The following OR51A4 variants were observed in gnomAD, a reference collection of about 807,000 sequenced individuals.
OR51A4 encodes the protein olfactory receptor family 51 subfamily A member 4, also known as olfactory receptor 51A4.
For missense variants in OR51A4, 243 were observed against 364.0 expected (o/e 0.67, Z 2.70); for synonymous variants, 96 against 141.5 (o/e 0.68, Z 2.28).
At position 4,943,877 on chromosome 11, in the gene OR51A4, C is replaced by T. The variant is rs770555622; in HGVS notation, c.*2282G>A. 4 of 448,508 alleles carry T rather than the reference C, an allele frequency of 8.9e-6. No homozygotes were observed. Among genetic ancestry groups the T allele is most frequent in the South Asian group, 6.4e-5 (4 of 62,434 alleles). 27.8% of individuals were successfully genotyped at this position (448,508 alleles called of 1,614,324 possible). Reference sequence around the variant, plus strand: ...AAGACTGTCAAAAACCCCTAAAATACAGATGATCTTTGATACTCTTTTATG... The same window carrying T: ...AAGACTGTCAAAAACCCCTAAAATATAGATGATCTTTGATACTCTTTTATG... On this transcript the variant is annotated 3_prime_UTR_variant, in exon 2 of 2. Coordinates refer to ENST00000641898, the MANE Select transcript of OR51A4 (RefSeq NM_001005329.2).
In OR51A4 at chr11:4,946,158, G is replaced by A; in HGVS notation, c.*1C>T. On this transcript the variant is annotated 3_prime_UTR_variant, in exon 2 of 2. Coordinates refer to ENST00000641898, the MANE Select transcript of OR51A4 (RefSeq NM_001005329.2). ...TCCAGGTTTTCTGTCACATATGACT[G>A]TTAAATCTTCCGTTGACACAATTTT... The A allele has an allele frequency of 8.1e-6, 13 of 1,613,086 alleles. No homozygotes were observed. The highest frequency in any genetic ancestry group is 1.1e-5 in the South Asian group (1 of 91,048).
rs1191313403 is a variant in OR51A4, at chr11:4,945,215, A to G, written c.*944T>C. 6.6e-6 allele frequency: 1 copy of G among 152,178 alleles called. No homozygotes were observed. The highest frequency in any genetic ancestry group is 1.5e-5 in the Non-Finnish European group (1 of 68,022). The allele number at this position is 152,178 out of a possible 1,614,324, so 9.4% of individuals were successfully genotyped here. A position where few individuals can be genotyped will look rare whatever the true frequency, so the allele number is the denominator to read the frequency against. On this transcript the variant is annotated 3_prime_UTR_variant, in exon 2 of 2. Transcript: ENST00000641898. ...TCATAATACAAACTAGGGCTAGGTA[A>G]TCTATGAGGAAATTAAGCCAAAATT...
At position 4,945,783 on chromosome 11, in the gene OR51A4, G is replaced by T; in HGVS notation, c.*376C>A. ...GTTGTATTCTAAGATGATTAAAATG[G>T]ATAAAGAGACAGCTAATTTAGGTCT... is the stretch of plus-strand genomic sequence containing the variant. On this transcript the variant is annotated 3_prime_UTR_variant, in exon 2 of 2. Transcript: ENST00000641898. 1 of 275,906 alleles carries T rather than the reference G, an allele frequency of 3.6e-6. No homozygotes were observed. Among genetic ancestry groups the T allele is most frequent in the Non-Finnish European group, 6.9e-6 (1 of 144,880 alleles). The allele number at this position is 275,906 out of a possible 1,614,324, so 17.1% of individuals were successfully genotyped here.
rs1846235574 is a variant in OR51A4 at position 4,942,915 on chromosome 11, A to G, written c.*3244T>C. On this transcript the variant is annotated 3_prime_UTR_variant, in exon 2 of 2. Coordinates refer to ENST00000641898, the MANE Select transcript of OR51A4 (RefSeq NM_001005329.2). ...TACACAATTCAATATATTAAAGAAT[A>G]TTTTTTCATGGCATTGAAAATTCAT... 1 of 152,224 alleles carries G rather than the reference A, an allele frequency of 6.6e-6. No individual in the cohort carries two copies. Among genetic ancestry groups the G allele is most frequent in the South Asian group, 2.1e-4 (1 of 4,830 alleles). 9.4% of individuals were successfully genotyped at this position (152,224 alleles called of 1,614,324 possible). A position where few individuals can be genotyped will look rare whatever the true frequency, so the allele number is the denominator to read the frequency against.
chr11:4,944,263 T>G lies in OR51A4; in HGVS notation c.*1896A>C. On this transcript the variant is annotated 3_prime_UTR_variant, in exon 2 of 2. Coordinates refer to ENST00000641898, the MANE Select transcript of OR51A4 (RefSeq NM_001005329.2). ...AACTAAAATGTATTCAAGATAATAC[T>G]ATCCTGGAGCATCAGAGATTAGGTT... is the stretch of plus-strand genomic sequence containing the variant. 4.3e-6 allele frequency: 1 copy of G among 233,598 alleles called. No homozygotes were observed. The highest frequency in any genetic ancestry group is 8.6e-6 in the Non-Finnish European group (1 of 116,658). 14.5% of individuals were successfully genotyped at this position (233,598 alleles called of 1,614,324 possible).
At position 4,946,451 on chromosome 11, in the gene OR51A4, A is replaced by G; in HGVS notation, c.650T>C (p.Val217Ala). Residue 217 changes from valine to alanine, a missense_variant, in exon 2 of 2, where the codon GTG becomes GCG. Coordinates refer to ENST00000641898, the MANE Select transcript of OR51A4 (RefSeq NM_001005329.2). The part of the protein sequence containing the change: ...CLMVDFILIA[V>A]SYTLILKTVL... ...AGTCTTGAGGATCAGGGTGTAAGAC[A>G]CAGCAATGAGAATAAAGTCTACCAT... 1.2e-6 allele frequency: 2 copies of G among 1,609,522 alleles called. No individual in the cohort carries two copies. Among genetic ancestry groups the G allele is most frequent in the Non-Finnish European group, 1.7e-6 (2 of 1,176,430 alleles).
At position 4,946,082 on chromosome 11, in the gene OR51A4, G is replaced by C. The variant is rs150988996; in HGVS notation, c.*77C>G. On this transcript the variant is annotated 3_prime_UTR_variant, in exon 2 of 2. Coordinates refer to ENST00000641898, the MANE Select transcript of OR51A4 (RefSeq NM_001005329.2). Reference sequence around the variant, plus strand: ...CAAAAATATGTGTTGATAATTCTTGGTGTCAAATATTAGGTTTCTCAAATT... The same window carrying C: ...CAAAAATATGTGTTGATAATTCTTGCTGTCAAATATTAGGTTTCTCAAATT... 1,235 of 1,260,386 alleles carry C rather than the reference G, an allele frequency of 9.8e-4. 19 individuals carry two copies. The East Asian group carries it at 0.026, about 26-fold the overall frequency. The allele number at this position is 1,260,386 out of a possible 1,614,324, so 78.1% of individuals were successfully genotyped here. A position where few individuals can be genotyped will look rare whatever the true frequency, so the allele number is the denominator to read the frequency against.
At position 4,943,122 on chromosome 11, in the gene OR51A4, C is replaced by A; in HGVS notation, c.*3037G>T. 1 of 175,956 alleles carries A rather than the reference C, an allele frequency of 5.7e-6. No individual in the cohort carries two copies. The highest frequency in any genetic ancestry group is 1.2e-5 in the Non-Finnish European group (1 of 83,052). 10.9% of individuals were successfully genotyped at this position (175,956 alleles called of 1,614,324 possible). On this transcript the variant is annotated 3_prime_UTR_variant, in exon 2 of 2. Coordinates refer to ENST00000641898, the MANE Select transcript of OR51A4 (RefSeq NM_001005329.2). ...CGTCCCTTATAATTTTGTAGTGTTC[C>A]ATCCCTTACAATGTTTTCCCACAAA...
intron 1 of OR51A4, 107 bp from the exon 2 acceptor site, chr11:4,947,269 TGG>T: frequency 2.6e-6 from 1 of 381,166 alleles, no homozygotes; most frequent in South Asian, 2.9e-5. Context: ...GAGAGATGGT[TGG>T]TTGCTGCTTT....
rs181288871 is a variant in OR51A4, at chr11:4,943,980, A to G, written c.*2179T>C. On this transcript the variant is annotated 3_prime_UTR_variant, in exon 2 of 2. Coordinates refer to ENST00000641898, the MANE Select transcript of OR51A4 (RefSeq NM_001005329.2). ...ATTACTCCTCATCTTTTTAGTGGAA[A>G]TGAAGTCTTCATATTGGGCTGCCTA... The G allele has an allele frequency of 6.7e-4, 276 of 410,554 alleles. No homozygotes were observed. The highest frequency in any genetic ancestry group is 5.2e-3 in the African/African-American group (248 of 47,980). 25.4% of individuals were successfully genotyped at this position (410,554 alleles called of 1,614,324 possible).
At position 4,946,037 on chromosome 11, in the gene OR51A4, A is replaced by C. The variant is rs1467971437; in HGVS notation, c.*122T>G. On this transcript the variant is annotated 3_prime_UTR_variant, in exon 2 of 2. Transcript: ENST00000641898. Reference sequence around the variant, plus strand: ...TCATTCGCAGTATCCAGAGTGAATAAAATAACTCTATGACAACAACAAAAA... The same window carrying C: ...TCATTCGCAGTATCCAGAGTGAATACAATAACTCTATGACAACAACAAAAA... 1.1e-6 allele frequency: 1 copy of C among 894,636 alleles called. No homozygotes were observed. Among genetic ancestry groups the C allele is most frequent in the African/African-American group, 2.3e-5 (1 of 43,868 alleles). The allele number at this position is 894,636 out of a possible 1,614,324, so 55.4% of individuals were successfully genotyped here.
rs189909258 is a variant in OR51A4, at chr11:4,943,802, C to T, written c.*2357G>A. 4.7e-6 allele frequency: 2 copies of T among 428,286 alleles called. No homozygotes were observed. Among genetic ancestry groups the T allele is most frequent in the East Asian group, 7.1e-5 (1 of 14,072 alleles). 26.5% of individuals were successfully genotyped at this position (428,286 alleles called of 1,614,324 possible). ...TTATGCTGACCATAAATCTTCACCTCCCCCATTGAGATTTATGTATCTTTA... is the reference window on the plus strand; with the variant it reads ...TTATGCTGACCATAAATCTTCACCTTCCCCATTGAGATTTATGTATCTTTA... On this transcript the variant is annotated 3_prime_UTR_variant, in exon 2 of 2. Transcript: ENST00000641898.
rs1251764224 is a variant in OR51A4 at position 4,945,668 on chromosome 11, C to T, written c.*491G>A. 1 of 180,344 alleles carries T rather than the reference C, an allele frequency of 5.5e-6. No individual in the cohort carries two copies. The highest frequency in any genetic ancestry group is 1.2e-5 in the Non-Finnish European group (1 of 85,306). The allele number at this position is 180,344 out of a possible 1,614,324, so 11.2% of individuals were successfully genotyped here. ...GGACTGAAAAACTATCTATTGGGTA[C>T]TATGCTCACTACCCGGGTCCCATAT... is the stretch of plus-strand genomic sequence containing the variant. On this transcript the variant is annotated 3_prime_UTR_variant, in exon 2 of 2. Coordinates refer to ENST00000641898, the MANE Select transcript of OR51A4 (RefSeq NM_001005329.2).
Position 4,944,272 on chromosome 11 carries a change from G to T in OR51A4, c.*1887C>A. 4.7e-6 allele frequency: 1 copy of T among 214,254 alleles called. No individual in the cohort carries two copies. Among genetic ancestry groups the T allele is most frequent in the Non-Finnish European group, 9.5e-6 (1 of 105,708 alleles). 13.3% of individuals were successfully genotyped at this position (214,254 alleles called of 1,614,324 possible). A position where few individuals can be genotyped will look rare whatever the true frequency, so the allele number is the denominator to read the frequency against. On this transcript the variant is annotated 3_prime_UTR_variant, in exon 2 of 2. Coordinates refer to ENST00000641898, the MANE Select transcript of OR51A4 (RefSeq NM_001005329.2). Reference sequence around the variant, plus strand: ...GTATTCAAGATAATACTATCCTGGAGCATCAGAGATTAGGTTTGAACCCCA... The same window carrying T: ...GTATTCAAGATAATACTATCCTGGATCATCAGAGATTAGGTTTGAACCCCA...
chr11:4,944,075 G>A lies in OR51A4; in HGVS notation c.*2084C>T. On this transcript the variant is annotated 3_prime_UTR_variant, in exon 2 of 2. Transcript: ENST00000641898. The stretch of plus-strand genomic sequence containing the variant: ...AAAATATGTCAACTACTGCTTGGTT[G>A]TACTACAACCCCAAACCCATATCTG... 2.2e-6 allele frequency: 1 copy of A among 449,516 alleles called. No homozygotes were observed. The highest frequency in any genetic ancestry group is 1.6e-5 in the South Asian group (1 of 62,718). The allele number at this position is 449,516 out of a possible 1,614,324, so 27.8% of individuals were successfully genotyped here. A position where few individuals can be genotyped will look rare whatever the true frequency, so the allele number is the denominator to read the frequency against.
In OR51A4 at chr11:4,945,274, T is replaced by C. The variant is rs1166510657; in HGVS notation, c.*885A>G. On this transcript the variant is annotated 3_prime_UTR_variant, in exon 2 of 2. Coordinates refer to ENST00000641898, the MANE Select transcript of OR51A4 (RefSeq NM_001005329.2). ...AAAATAGAAATGCATTATACAAAAT[T>C]GGAGTCAAGAGCATTTTAACAAAAG... 1 of 152,056 alleles carries C rather than the reference T, an allele frequency of 6.6e-6. No individual in the cohort carries two copies. The highest frequency in any genetic ancestry group is 2.4e-5 in the African/African-American group (1 of 41,394). 9.4% of individuals were successfully genotyped at this position (152,056 alleles called of 1,614,324 possible). A position where few individuals can be genotyped will look rare whatever the true frequency, so the allele number is the denominator to read the frequency against.
chr11:4,943,506 C>T lies in OR51A4; in HGVS notation c.*2653G>A, dbSNP rs1394016462. 7 of 455,794 alleles carry T rather than the reference C, an allele frequency of 1.5e-5. No individual in the cohort carries two copies. The highest frequency in any genetic ancestry group is 6.0e-5 in the African/African-American group (3 of 49,958). The allele number at this position is 455,794 out of a possible 1,614,324, so 28.2% of individuals were successfully genotyped here. On this transcript the variant is annotated 3_prime_UTR_variant, in exon 2 of 2. Transcript: ENST00000641898. ...CTAAGGTTTTTTTAATGCTTGGCAC[C>T]ACTGACATTTTGTGCTAGATAATTC...
rs1460611566 is a variant in OR51A4, at chr11:4,943,105, A to G, written c.*3054T>C. Reference sequence around the variant, plus strand: ...TAAATGATGCTCCCCTTCGTCCCTTATAATTTTGTAGTGTTCCATCCCTTA... The same window carrying G: ...TAAATGATGCTCCCCTTCGTCCCTTGTAATTTTGTAGTGTTCCATCCCTTA... On this transcript the variant is annotated 3_prime_UTR_variant, in exon 2 of 2. Coordinates refer to ENST00000641898, the MANE Select transcript of OR51A4 (RefSeq NM_001005329.2). 6.1e-6 allele frequency: 1 copy of G among 163,756 alleles called. No individual in the cohort carries two copies. Among genetic ancestry groups the G allele is most frequent in the East Asian group, 1.8e-4 (1 of 5,630 alleles). The allele number at this position is 163,756 out of a possible 1,614,324, so 10.1% of individuals were successfully genotyped here.
rs778921386 is a variant in OR51A4 at position 4,943,814 on chromosome 11, T to C, written c.*2345A>G. On this transcript the variant is annotated 3_prime_UTR_variant, in exon 2 of 2. Coordinates refer to ENST00000641898, the MANE Select transcript of OR51A4 (RefSeq NM_001005329.2). ...TAAATCTTCACCTCCCCCATTGAGA[T>C]TTATGTATCTTTATTTTATTTTTCA... 2.4e-4 allele frequency: 103 copies of C among 437,396 alleles called. No individual in the cohort carries two copies. The highest frequency in any genetic ancestry group is 3.7e-4 in the Non-Finnish European group (82 of 219,698). 27.1% of individuals were successfully genotyped at this position (437,396 alleles called of 1,614,324 possible). A position where few individuals can be genotyped will look rare whatever the true frequency, so the allele number is the denominator to read the frequency against.
Sources: gnomAD v4.1 joint callset for allele counts on GRCh38, gnomAD v4.1.1 for gene constraint, MANE v1.5 for transcripts, NCBI Gene and HGNC (gene_info 2026-07-23, HGNC 2026-07-21) for gene names.